The following PCDH15 variants were observed in gnomAD, a reference collection of about 807,000 sequenced individuals.
The protein encoded by PCDH15 is protocadherin related 15, also known as protocadherin-15.
In PCDH15, 129 loss-of-function variants were observed where a neutral mutation model predicts 178.5. That is an observed-to-expected ratio of 0.72 (90% CI 0.63 to 0.84). The LOEUF (loss-of-function observed/expected upper bound fraction) is 0.84, where lower values mean the gene tolerates loss of function less well. PCDH15 is among the 40% of genes least tolerant of loss of function. PCDH15 has a pLI of 0.00. For missense variants in PCDH15, 2,230 were observed against 2,099.9 expected (o/e 1.06, Z -1.21); for synonymous variants, 800 against 732.0 (o/e 1.09, Z -1.50).
chr10:53,924,883 C>T (rs1472967635), intron 25 of PCDH15, among the ~76,000 whole-genome samples: 1 of 152,166 alleles, frequency 6.6e-6, no homozygotes, highest in Non-Finnish European at 1.5e-5. Context: ...GTGTCTAGCT[C>T]AAGGTTTGTA....
At chr10:54,901,766 C>A (rs1954643095) in intron 2 of PCDH15, among the ~76,000 whole-genome samples, 1 of 151,982 alleles carries the variant, frequency 6.6e-6, no homozygotes, top group African/African-American at 2.4e-5. Flanking sequence ...ATCCCTATTG[C>A]CTCTTTTAAT....
chr10:54,086,021 A>G (rs892710745), intron 16 of PCDH15, among the ~76,000 whole-genome samples: 1 of 152,150 alleles, frequency 6.6e-6, no homozygotes, highest in Non-Finnish European at 1.5e-5. Context: ...GAGGTAGAAC[A>G]TTGTTTATTT....
At chr10:54,685,143 C>G (rs1387790842) in intron 1 of PCDH15, among the ~76,000 whole-genome samples, 1 of 152,048 alleles carries the variant, frequency 6.6e-6, no homozygotes, top group Non-Finnish European at 1.5e-5. Flanking sequence ...TCTTCCTCCT[C>G]CATATCTTGT....
chr10:55,113,638 CTTA>C, intron 2 of PCDH15, among the ~76,000 whole-genome samples: 1 of 152,268 alleles, frequency 6.6e-6, no homozygotes, highest in Admixed American at 6.5e-5. Context: ...ACTGTGTTAA[CTTA>C]TCTAATTATA....
intron 1 of PCDH15, among the ~76,000 whole-genome samples, chr10:55,313,000 A>G (rs1316167073): frequency 6.6e-6 from 1 of 152,248 alleles, no homozygotes; most frequent in Non-Finnish European, 1.5e-5. Context: ...TCTAAGAAAT[A>G]GAATTCTTAA....
chr10:55,403,782 C>T (rs1365490966), intron 2 of PCDH15, among the ~76,000 whole-genome samples: 3 of 151,882 alleles, frequency 2.0e-5, no homozygotes, highest in East Asian at 3.9e-4. Flanking sequence ...TCTTTTTGCT[C>T]AGTATTGCTT....
chr10:54,267,991 A>T (rs1049394393), intron 8 of PCDH15, among the ~76,000 whole-genome samples: 1 of 151,968 alleles, frequency 6.6e-6, no homozygotes, highest in African/African-American at 2.4e-5. Context: ...AGCTAAAAGA[A>T]CACAGACAGG....
intron 3 of PCDH15, among the ~76,000 whole-genome samples, chr10:54,820,784 AT>A (rs1953024684): frequency 6.6e-6 from 1 of 152,040 alleles, no homozygotes; most frequent in Non-Finnish European, 1.5e-5. Flanking sequence ...TTAAAGCCAC[AT>A]ATTATCAAGT....
intron 2 of PCDH15, among the ~76,000 whole-genome samples, chr10:55,561,340 T>C (rs1842194687): frequency 1.3e-5 from 2 of 151,922 alleles, no homozygotes; most frequent in African/African-American, 2.4e-5. Context: ...AAAATTAGTC[T>C]GTTTTTCTAC....
At chr10:55,079,656 T>C (rs1393670782) in intron 2 of PCDH15, among the ~76,000 whole-genome samples, 1 of 152,122 alleles carries the variant, frequency 6.6e-6, no homozygotes, top group Non-Finnish European at 1.5e-5. Context: ...CCTGGACAGC[T>C]AGTGTGGCAT....
At chr10:55,073,141 C>T (rs1841796022) in intron 2 of PCDH15, among the ~76,000 whole-genome samples, 1 of 151,974 alleles carries the variant, frequency 6.6e-6, no homozygotes, top group South Asian at 2.1e-4. Context: ...CAGCCAATAT[C>T]ATACTGAATG....
At chr10:54,461,759 AATTTAAT>A (rs1294293410) in intron 3 of PCDH15, among the ~76,000 whole-genome samples, 3 of 152,122 alleles carry the variant, frequency 2.0e-5, no homozygotes, top group Non-Finnish European at 4.4e-5. Flanking sequence ...CTATAGTAAG[AATTTAAT>A]ATTTAATTTT....
At position 54,954,024 on chromosome 10, in the gene PCDH15, C is replaced by T. The variant is rs1468881946; in HGVS notation, c.-79-56524G>A. Among the ~76,000 whole-genome samples the T allele has an allele frequency of 2.0e-5, 3 of 151,094 alleles. No homozygotes were observed. The East Asian group carries it at 5.8e-4, about 29-fold the overall frequency. On this transcript the variant is annotated intron_variant, in intron 2 of 5. Transcript: ENST00000458638. ...CAGTACAGACTTTTAGGGAGGGAAG[C>T]CAAATATTTAAGAATCAATGGAAAT...
At chr10:53,981,260 T>G (rs2134613576) in intron 21 of PCDH15, among the ~76,000 whole-genome samples, 1 of 152,358 alleles carries the variant, frequency 6.6e-6, no homozygotes, top group East Asian at 1.9e-4. Context: ...TTGATTTCTA[T>G]TCTTACAGTG....
At chr10:55,202,211 C>T (rs1194755515) in intron 1 of PCDH15, among the ~76,000 whole-genome samples, 2 of 152,062 alleles carry the variant, frequency 1.3e-5, no homozygotes. Context: ...TTATTGGAAA[C>T]TTCATCTACG....
In PCDH15 at chr10:53,894,169, T is replaced by C. The variant is rs184792386; in HGVS notation, c.3501+9074A>G. The stretch of plus-strand genomic sequence containing the variant: ...AATGTCTGCTTAGATGAAATTTAAA[T>C]TCTAGTAGGAAAATCATGCACACAG... On this transcript the variant is annotated intron_variant, in intron 26 of 37. Transcript: ENST00000644397. Among the ~76,000 whole-genome samples the C allele has an allele frequency of 2.4e-3, 368 of 152,334 alleles. 2 individuals are homozygous for C. Among genetic ancestry groups the C allele is most frequent in the Admixed American group, 4.8e-3 (74 of 15,298 alleles).
intron 37 of PCDH15, among the ~76,000 whole-genome samples, chr10:53,807,847 C>A (rs973288263): frequency 2.6e-5 from 4 of 152,108 alleles, no homozygotes; most frequent in South Asian, 2.1e-4. Flanking sequence ...TTGTAAGCAA[C>A]TGGACATTTT....
intron 2 of PCDH15, among the ~76,000 whole-genome samples, chr10:55,587,366 T>G (rs1423966015): frequency 6.6e-6 from 1 of 152,166 alleles, no homozygotes; most frequent in African/African-American, 2.4e-5. Context: ...TTTTAATTAT[T>G]TAAATGGGTT....
intron 15 of PCDH15, among the ~76,000 whole-genome samples, chr10:54,096,805 G>T (rs955819207): frequency 8.5e-5 from 13 of 152,142 alleles, no homozygotes; most frequent in African/African-American, 2.7e-4. Flanking sequence ...TGTGAATTTT[G>T]GGGGAACACA....
Sources: allele counts gnomAD v4.1 joint callset (sites outside exome capture counted in the v4.1 genomes callset), GRCh38; gene constraint gnomAD v4.1.1; transcripts MANE v1.5; gene names NCBI Gene and HGNC (gene_info 2026-07-23, HGNC 2026-07-21).